The following LDLRAD3 variants were observed in gnomAD, a reference collection of about 807,000 sequenced individuals.
The protein encoded by LDLRAD3 is low-density lipoprotein receptor class A domain-containing protein 3.
Under a neutral mutation model 29.4 loss-of-function variants are expected in LDLRAD3, and 20 were observed. That is an observed-to-expected ratio of 0.68 (90% CI 0.48 to 0.99). The LOEUF is 0.99. Among genes scored for constraint, LDLRAD3 ranks in the 50% least tolerant of loss-of-function variants. The pLI, the probability that LDLRAD3 is intolerant of heterozygous loss-of-function variation, is 0.00. For missense variants in LDLRAD3, 420 were observed against 454.3 expected, an observed-to-expected ratio of 0.92 and a Z score of 0.69; for synonymous variants, 157 against 192.7, an observed-to-expected ratio of 0.81 and a Z score of 1.53.
At chr11:36,113,862 C>T (rs1282869584) in intron 4 of LDLRAD3, among the ~76,000 whole-genome samples, 6 of 152,032 alleles carry the variant, frequency 3.9e-5, no homozygotes, top group Non-Finnish European at 5.9e-5. Flanking sequence ...TTAGTAGAGA[C>T]GGAGTTTCGC....
intron 2 of LDLRAD3, among the ~76,000 whole-genome samples, chr11:36,078,037 T>C (rs1853045071): frequency 6.6e-6 from 1 of 152,152 alleles, no homozygotes; most frequent in South Asian, 2.1e-4. Context: ...GTAGCCAGGG[T>C]ATCTTGATGA....
rs575404647 is a variant in LDLRAD3 at position 35,959,625 on chromosome 11, T to C, written c.46+15481T>C. Reference sequence around the variant, plus strand: ...TGTCATTATAATTCAGGCTTTCCTCTTAAAAGAAAAATGTGGCTAGGTGTG... The same window carrying C: ...TGTCATTATAATTCAGGCTTTCCTCCTAAAAGAAAAATGTGGCTAGGTGTG... On this transcript the variant is annotated intron_variant, in intron 1 of 5. Transcript: ENST00000315571. Among the ~76,000 whole-genome samples, 111 of 152,260 alleles carry C rather than the reference T, an allele frequency of 7.3e-4. 4 individuals carry two copies. In the South Asian group the frequency reaches 0.023, roughly 31 times the overall value.
rs57687795 is a variant in LDLRAD3, at chr11:36,128,117, C to CATATATATATATATATATAT, written c.454+29674_454+29675insATATATATATATATATATAT. ...CGTATTGATGGCAGAGTTGTTTTTA[C>CATATATATATATATATATAT]ATATATATATATATATATGTATATG... is the stretch of plus-strand genomic sequence containing the variant. On this transcript the variant is annotated intron_variant, in intron 4 of 5. Transcript: ENST00000315571. Among the ~76,000 whole-genome samples, 439 of 98,802 alleles carry CATATATATATATATATATAT rather than the reference C, an allele frequency of 4.4e-3. 23 individuals carry two copies. Among genetic ancestry groups the CATATATATATATATATATAT allele is most frequent in the East Asian group, 0.012 (34 of 2,740 alleles). 64.8% of individuals were successfully genotyped at this position (98,802 alleles called of 152,430 possible).
At chr11:36,219,913 G>C (rs1372604854) in intron 4 of LDLRAD3, among the ~76,000 whole-genome samples, 1 of 152,156 alleles carries the variant, frequency 6.6e-6, no homozygotes, top group African/African-American at 2.4e-5. Flanking sequence ...GAAAATATTT[G>C]CAAAACACAT....
intron 2 of LDLRAD3, among the ~76,000 whole-genome samples, chr11:36,048,118 C>T (rs1056276338): frequency 3.3e-5 from 5 of 152,160 alleles, no homozygotes; most frequent in Non-Finnish European, 5.9e-5. Flanking sequence ...AGTTTTTGAT[C>T]CAGGCTTTTT....
At position 36,079,072 on chromosome 11, in the gene LDLRAD3, A is replaced by G. The variant is rs1052618698; in HGVS notation, c.194-2581A>G. On this transcript the variant is annotated intron_variant, in intron 2 of 5. Transcript: ENST00000315571. ...TGGCTCCCTCAGGGACGCAGGGCAC[A>G]GGGGACCTACTGCCGCCACTGCTGC... is the stretch of plus-strand genomic sequence containing the variant. Among the ~76,000 whole-genome samples, 6 of 152,212 alleles carry G rather than the reference A, an allele frequency of 3.9e-5. 1 individual carries two copies. Among genetic ancestry groups the G allele is most frequent in the Admixed American group, 2.6e-4 (4 of 15,290 alleles).
At chr11:36,124,752 C>T (rs901425520) in intron 4 of LDLRAD3, among the ~76,000 whole-genome samples, 2 of 151,040 alleles carry the variant, frequency 1.3e-5, no homozygotes, top group Admixed American at 1.3e-4. Context: ...AGTGCAGTGG[C>T]ATGATCTTGG....
At chr11:36,020,063 C>T (rs1852076018) in intron 1 of LDLRAD3, among the ~76,000 whole-genome samples, 1 of 152,170 alleles carries the variant, frequency 6.6e-6, no homozygotes. Flanking sequence ...CATGTTATCA[C>T]ATGCAAAGTC....
rs1384860353 is a variant in LDLRAD3, at chr11:36,229,156, A to T, written c.801-4A>T. 7 of 1,608,162 alleles carry T rather than the reference A, an allele frequency of 4.4e-6. No homozygotes were observed. The highest frequency in any genetic ancestry group is 6.0e-6 in the Non-Finnish European group (7 of 1,175,438). On this transcript the variant is annotated splice_polypyrimidine_tract_variant and splice_region_variant and intron_variant, in intron 5 of 5. Transcript: ENST00000315571. ...CCCCTGCCCCCCTGCTGTCCCCATC[A>T]CAGGCCTGCGTGGTATGACCTTCCT... is the stretch of plus-strand genomic sequence containing the variant.
chr11:36,097,017 A>G (rs1050649974), intron 3 of LDLRAD3, among the ~76,000 whole-genome samples: 2 of 152,244 alleles, frequency 1.3e-5, no homozygotes, highest in African/African-American at 4.8e-5. Flanking sequence ...CTGTAGAAAT[A>G]CTAGTTTTCT....
intron 4 of LDLRAD3, among the ~76,000 whole-genome samples, chr11:36,145,569 G>A (rs111474235): frequency 0.18 from 26,283 of 149,744 alleles, 2,495 homozygotes; most frequent in East Asian, 0.29. Context: ...AGAAAGGGGG[G>A]AAAAGTGGGG....
At chr11:36,183,916 T>G (rs1199799409) in intron 4 of LDLRAD3, 3 of 236,548 alleles carry the variant, frequency 1.3e-5, no homozygotes, top group Non-Finnish European at 2.6e-5. Context: ...TACAGTATTT[T>G]TCACTTCTAG....
chr11:36,101,885 CTTTTTTTT>C, intron 4 of LDLRAD3: 15 of 224,020 alleles, frequency 6.7e-5, no homozygotes, highest in South Asian at 2.0e-4. Context: ...CCACTGTCAT[CTTTTTTTT>C]TTTTTTTTTT....
chr11:36,206,930 G>T (rs1022156770), intron 4 of LDLRAD3, among the ~76,000 whole-genome samples: 13 of 152,008 alleles, frequency 8.6e-5, no homozygotes, highest in African/African-American at 3.1e-4. Context: ...TTTTCACCAT[G>T]TTGGCCAGGC....
chr11:36,067,225 C>A (rs529639895), intron 2 of LDLRAD3, among the ~76,000 whole-genome samples: 1 of 152,054 alleles, frequency 6.6e-6, no homozygotes, highest in Non-Finnish European at 1.5e-5. Flanking sequence ...CCATTCCCCA[C>A]GTATTAATTA....
chr11:36,161,525 CAG>C (rs888919852), intron 4 of LDLRAD3, among the ~76,000 whole-genome samples: 6 of 152,122 alleles, frequency 3.9e-5, no homozygotes, highest in African/African-American at 1.2e-4. Context: ...GTGGGGGAAA[CAG>C]ATAAAAATCC....
chr11:36,090,903 T>G (rs560070564), intron 3 of LDLRAD3, among the ~76,000 whole-genome samples: 60 of 152,176 alleles, frequency 3.9e-4, no homozygotes, highest in African/African-American at 1.4e-3. Flanking sequence ...GAGGACCTGT[T>G]GAGCAGACTT....
intron 3 of LDLRAD3, 60 bp downstream of exon 3, chr11:36,081,838 C>A: frequency 6.3e-7 from 1 of 1,598,120 alleles, no homozygotes; most frequent in South Asian, 1.1e-5. Flanking sequence ...CCAAACTTGT[C>A]CACATTGGTC....
chr11:36,090,874 TG>T (rs2133266202), intron 3 of LDLRAD3, among the ~76,000 whole-genome samples: 1 of 152,162 alleles, frequency 6.6e-6, no homozygotes, highest in East Asian at 1.9e-4. Context: ...CTGGTAGCCT[TG>T]GGGCTGGGAG....
Sources: gnomAD v4.1 joint callset for allele counts (sites outside exome capture counted in the v4.1 genomes callset) on GRCh38, gnomAD v4.1.1 for gene constraint, MANE v1.5 for transcripts, NCBI Gene and HGNC (gene_info 2026-07-23, HGNC 2026-07-21) for gene names.